The following ATP8B4 variants were observed in gnomAD, a reference collection of about 807,000 sequenced individuals.
The protein encoded by ATP8B4 is probable phospholipid-transporting ATPase IM.
A neutral mutation model predicts 145.6 loss-of-function variants in ATP8B4; 133 were observed. That is an observed-to-expected ratio of 0.91 (90% CI 0.79 to 1.05). The LOEUF (loss-of-function observed/expected upper bound fraction) is 1.05, where lower values mean the gene tolerates loss of function less well. Among genes scored for constraint, ATP8B4 ranks in the 50% least tolerant of loss-of-function variants. The probability of loss-of-function intolerance (pLI) is 0.00; values close to 1 mark genes in which losing one functional copy is unlikely to be tolerated. For missense variants in ATP8B4, 1,458 were observed against 1,425.2 expected (o/e 1.02, Z -0.37); for synonymous variants, 507 against 492.9 (o/e 1.03, Z -0.38).
At chr15:50,006,206 G>A (rs931208278) in intron 7 of ATP8B4, among the ~76,000 whole-genome samples, 1 of 151,534 alleles carries the variant, frequency 6.6e-6, no homozygotes, top group Non-Finnish European at 1.5e-5. Flanking sequence ...GAAAAAGATG[G>A]TGACAAAGAA....
chr15:50,166,469 T>C (rs893747006), intron 1 of ATP8B4, among the ~76,000 whole-genome samples: 4 of 152,210 alleles, frequency 2.6e-5, no homozygotes, highest in Admixed American at 2.6e-4. Flanking sequence ...AATAAGCTCC[T>C]GTAGAGGGAA....
intron 6 of ATP8B4, among the ~76,000 whole-genome samples, chr15:50,032,123 CGTCATCTAGGTT>C (rs1178051133): frequency 6.6e-6 from 1 of 152,002 alleles, no homozygotes; most frequent in Non-Finnish European, 1.5e-5. Flanking sequence ...CCTATCAACC[CGTCATCTAGGTT>C]TTAAACCCTG....
intron 2 of ATP8B4, among the ~76,000 whole-genome samples, chr15:50,101,327 T>C (rs1414560610): frequency 6.6e-6 from 1 of 152,052 alleles, no homozygotes; most frequent in Non-Finnish European, 1.5e-5. Flanking sequence ...GTCTACAACA[T>C]TTGACAAAAA....
chr15:50,073,011 TATATATATACACACACACAC>T lies in ATP8B4; in HGVS notation c.87+1096_87+1115del, dbSNP rs1288420375. ...ATATATATATATATATATATATATATATATATATACACACACACACACACACACACACACACACACACTAT... is the reference window on the plus strand; with the variant it reads ...ATATATATATATATATATATATATATACACACACACACACACACACACTAT... On this transcript the variant is annotated intron_variant, in intron 3 of 27. Coordinates refer to ENST00000284509, the MANE Select transcript of ATP8B4 (RefSeq NM_024837.4). Among the ~76,000 whole-genome samples, 382 of 44,778 alleles carry T rather than the reference TATATATATACACACACACAC, an allele frequency of 8.5e-3. 21 individuals are homozygous for T. The highest frequency in any genetic ancestry group is 0.038 in the African/African-American group (362 of 9,514). The allele number at this position is 44,778 out of a possible 152,430, so 29.4% of individuals were successfully genotyped here.
chr15:49,950,772 G>T (rs2043035775), intron 14 of ATP8B4, among the ~76,000 whole-genome samples: 1 of 151,996 alleles, frequency 6.6e-6, no homozygotes, highest in Admixed American at 6.5e-5. Context: ...TGCCTCTCTA[G>T]CTCTTTTAAT....
At position 50,038,779 on chromosome 15, in the gene ATP8B4, G is replaced by A. The variant is rs750900479; in HGVS notation, c.351C>T (p.Leu117=). The change falls in exon 6 of 28, where the codon CTC becomes CTT. Residue 117 remains leucine, a synonymous_variant. Transcript: ENST00000284509. ...NQVNNRQSEV[L]INSKLQNEKW... ...AATGTATTTCTTACTTGCTGTTGAT[G>A]AGCACTTCAGACTGCCGATTATTCA... 5 of 1,612,786 alleles carry A rather than the reference G, an allele frequency of 3.1e-6. No homozygotes were observed. In the Admixed American group the frequency reaches 5.0e-5, roughly 16 times the overall value.
intron 2 of ATP8B4, among the ~76,000 whole-genome samples, chr15:50,085,661 C>T (rs1197056158): frequency 2.0e-5 from 3 of 151,134 alleles, no homozygotes; most frequent in Non-Finnish European, 2.9e-5. Flanking sequence ...AATCATCAAA[C>T]GTGTAAAATT....
intron 10 of ATP8B4, among the ~76,000 whole-genome samples, chr15:49,984,412 A>C (rs188954161): frequency 5.8e-4 from 89 of 152,344 alleles, no homozygotes; most frequent in Non-Finnish European, 1.0e-3. Context: ...CAAAAAGCAT[A>C]GGTGGGATTA....
chr15:50,018,802 C>T (rs1293988489), intron 6 of ATP8B4: 2 of 601,266 alleles, frequency 3.3e-6, no homozygotes, highest in East Asian at 6.9e-5. Flanking sequence ...AATTTAACAT[C>T]ACGTCAACAG....
At chr15:50,017,911 C>T (rs2049213676) in intron 6 of ATP8B4, among the ~76,000 whole-genome samples, 1 of 152,044 alleles carries the variant, frequency 6.6e-6, no homozygotes, top group Non-Finnish European at 1.5e-5. Context: ...TTCAAGATGT[C>T]ACTTCAAAAT....
Position 49,934,045 on chromosome 15 carries a change from G to A in ATP8B4, c.1425C>T (p.His475=). The change falls in exon 15 of 28, where the codon CAC becomes CAT. Residue 475 remains histidine, a synonymous_variant. Coordinates refer to ENST00000284509, the MANE Select transcript of ATP8B4 (RefSeq NM_024837.4). The stretch of plus-strand genomic sequence containing the variant: ...CGCTATTCTCTTCTGACATTACAGT[G>A]TGGCAGAGAGCAAGTAACCTAAGGA... The part of the protein sequence containing the change: ...HEFLRLLALC[H]TVMSEENSAG... 6.2e-7 allele frequency: 1 copy of A among 1,612,176 alleles called. No homozygotes were observed. The highest frequency in any genetic ancestry group is 8.5e-7 in the Non-Finnish European group (1 of 1,178,928).
chr15:50,124,828 C>G (rs957825603), intron 1 of ATP8B4, among the ~76,000 whole-genome samples: 2 of 152,164 alleles, frequency 1.3e-5, no homozygotes, highest in African/African-American at 4.8e-5. Context: ...CTTTCAAATA[C>G]TATCTGAACC....
At chr15:50,063,099 G>C (rs1254410319) in intron 3 of ATP8B4, among the ~76,000 whole-genome samples, 1 of 146,782 alleles carries the variant, frequency 6.8e-6, no homozygotes, top group Non-Finnish European at 1.5e-5. Context: ...AAAAAAAAAA[G>C]CCTTTCTGCT....
chr15:50,158,695 G>A (rs909081011), intron 1 of ATP8B4, among the ~76,000 whole-genome samples: 116 of 152,346 alleles, frequency 7.6e-4, no homozygotes, highest in African/African-American at 2.6e-3. Flanking sequence ...TTGAGAAATC[G>A]GATGGTTGCT....
intron 1 of ATP8B4, among the ~76,000 whole-genome samples, chr15:50,161,752 G>A (rs753914221): frequency 1.3e-5 from 2 of 151,994 alleles, no homozygotes. Context: ...ATCTTTGATA[G>A]GTTCATCTTT....
chr15:50,026,238 A>T (rs1367990557), intron 6 of ATP8B4, among the ~76,000 whole-genome samples: 1 of 152,164 alleles, frequency 6.6e-6, no homozygotes, highest in Non-Finnish European at 1.5e-5. Flanking sequence ...CCTCACCATC[A>T]CACCAAAGCT....
At chr15:49,922,519 AT>A (rs531223441) in intron 17 of ATP8B4, 174 of 328,196 alleles carry the variant, frequency 5.3e-4, no homozygotes, top group African/African-American at 3.7e-3. Context: ...GAGACAGAGG[AT>A]TTTTTTTATT....
intron 14 of ATP8B4, among the ~76,000 whole-genome samples, chr15:49,950,613 AAC>A (rs756858495): frequency 0.023 from 1,725 of 75,902 alleles, 43 homozygotes; most frequent in African/African-American, 0.059. Flanking sequence ...CAAACAAACA[AAC>A]AAACAAAAAA....
chr15:49,919,969 G>A (rs866111393), intron 18 of ATP8B4, among the ~76,000 whole-genome samples: 3 of 152,114 alleles, frequency 2.0e-5, no homozygotes, highest in Non-Finnish European at 4.4e-5. Context: ...TAACATCAAG[G>A]ACCATCAGAG....
Sources: gnomAD v4.1 joint callset for allele counts (sites outside exome capture counted in the v4.1 genomes callset) on GRCh38, gnomAD v4.1.1 for gene constraint, MANE v1.5 for transcripts, NCBI Gene and HGNC (gene_info 2026-07-23, HGNC 2026-07-21) for gene names.